The following SSH1 variants were observed in gnomAD, a reference collection of about 807,000 sequenced individuals.
SSH1 encodes slingshot protein phosphatase 1, also known as protein phosphatase Slingshot homolog 1.
SSH1 carries 43 observed loss-of-function variants against 79.7 expected under a neutral mutation model. The observed-to-expected ratio is 0.54, with a 90% confidence interval of 0.42 to 0.70. The LOEUF (loss-of-function observed/expected upper bound fraction) is 0.70, where lower values mean the gene tolerates loss of function less well. SSH1 is among the 30% of genes least tolerant of loss of function. SSH1 has a pLI of 0.00. For synonymous variants in SSH1, 599 were observed against 538.3 expected, an observed-to-expected ratio of 1.11 and a Z score of -1.56; for missense variants, 1,206 against 1,358.8, an observed-to-expected ratio of 0.89 and a Z score of 1.77.
rs1033585042 is a variant in SSH1 at position 108,787,855 on chromosome 12, G to GTA, written c.*131_*132dup. 2 of 1,160,282 alleles carry GTA rather than the reference G, an allele frequency of 1.7e-6. No individual in the cohort carries two copies. Among genetic ancestry groups the GTA allele is most frequent in the African/African-American group, 3.1e-5 (2 of 65,438 alleles). 71.9% of individuals were successfully genotyped at this position (1,160,282 alleles called of 1,614,324 possible). ...TCTTCTCCTCCTCTCTATGGCAAGA[G>GTA]TAGGGGAAAAGTTAGGATGACTTCA... On this transcript the variant is annotated 3_prime_UTR_variant, in exon 15 of 15. Transcript: ENST00000326495.
intron 2 of SSH1, among the ~76,000 whole-genome samples, chr12:108,832,034 T>C (rs556896584): frequency 9.1e-4 from 138 of 152,326 alleles, no homozygotes; most frequent in African/African-American, 3.2e-3. Context: ...TTTCTAGTTA[T>C]AGAGAGTTTG....
chr12:108,827,118 A>G, intron 2 of SSH1: 1 of 686,162 alleles, frequency 1.5e-6, no homozygotes, highest in Non-Finnish European at 2.3e-6. Flanking sequence ...TCATAAGATT[A>G]AAGTTTCTCC....
intron 2 of SSH1, among the ~76,000 whole-genome samples, chr12:108,836,092 TA>T (rs2038623454): frequency 6.9e-6 from 1 of 145,962 alleles, no homozygotes; most frequent in African/African-American, 2.5e-5. Flanking sequence ...AAATAATACC[TA>T]AGTTTATATA....
chr12:108,832,111 A>T (rs1344657082), intron 2 of SSH1, among the ~76,000 whole-genome samples: 1 of 152,200 alleles, frequency 6.6e-6, no homozygotes. Flanking sequence ...AGCCTGGGCA[A>T]CATGGCAAAA....
At chr12:108,847,101 G>A (rs962645486) in intron 2 of SSH1, among the ~76,000 whole-genome samples, 4 of 152,138 alleles carry the variant, frequency 2.6e-5, no homozygotes, top group Admixed American at 6.5e-5. Flanking sequence ...GTCTTGCCAT[G>A]TTGTGTAGGC....
intron 12 of SSH1, among the ~76,000 whole-genome samples, chr12:108,799,741 C>G (rs1289646552): frequency 6.6e-6 from 1 of 151,986 alleles, no homozygotes; most frequent in African/African-American, 2.4e-5. Context: ...GTAAGGGCGG[C>G]CGCAAAAAAA....
chr12:108,831,878 C>A (rs771882259), intron 2 of SSH1, among the ~76,000 whole-genome samples: 1 of 152,214 alleles, frequency 6.6e-6, no homozygotes, highest in Non-Finnish European at 1.5e-5. Context: ...AGTGAACTCA[C>A]AAATTCAAGT....
rs1303933285 is a variant in SSH1, at chr12:108,787,681, T to C, written c.*307A>G. ...ATGCGAAGGGAACAGTCTGGATGTG[T>C]GCGCCTATGTGTGCACGTTCTTCCT... On this transcript the variant is annotated 3_prime_UTR_variant, in exon 15 of 15. Transcript: ENST00000326495. 1.2e-5 allele frequency: 5 copies of C among 430,546 alleles called. No individual in the cohort carries two copies. The highest frequency in any genetic ancestry group is 2.2e-5 in the Non-Finnish European group (5 of 231,114). 26.7% of individuals were successfully genotyped at this position (430,546 alleles called of 1,614,324 possible).
chr12:108,812,832 A>G (rs2037681920), intron 5 of SSH1, among the ~76,000 whole-genome samples: 1 of 151,654 alleles, frequency 6.6e-6, no homozygotes, highest in Non-Finnish European at 1.5e-5. Context: ...TCTACAAGGA[A>G]GGAAGACCCA....
chr12:108,840,078 G>A (rs975450801), intron 2 of SSH1, among the ~76,000 whole-genome samples: 3 of 152,154 alleles, frequency 2.0e-5, no homozygotes, highest in Non-Finnish European at 4.4e-5. Context: ...TCATTTATGC[G>A]GCAGTCTCTT....
intron 2 of SSH1, among the ~76,000 whole-genome samples, chr12:108,848,863 G>A (rs1472922675): frequency 2.6e-5 from 4 of 152,122 alleles, no homozygotes; most frequent in South Asian, 4.1e-4. Flanking sequence ...ACAGTGGCAC[G>A]GAAGGACTCT....
chr12:108,809,847 T>C, intron 6 of SSH1, 89 bp from the exon 7 acceptor site: 2 of 1,093,500 alleles, frequency 1.8e-6, no homozygotes, highest in Admixed American at 1.7e-5. Flanking sequence ...GCCAAACCAC[T>C]GCGCACGCTG....
At chr12:108,818,821 T>C (rs1175423020) in intron 3 of SSH1, among the ~76,000 whole-genome samples, 2 of 152,168 alleles carry the variant, frequency 1.3e-5, no homozygotes, top group Non-Finnish European at 2.9e-5. Context: ...TGGTACGATC[T>C]CAGCTCACTG....
At position 108,783,329 on chromosome 12, in the gene SSH1, C is replaced by A. The variant is rs867419326; in HGVS notation, c.*4659G>T. The A allele has an allele frequency of 9.2e-5, 14 of 152,268 alleles. No individual in the cohort carries two copies. The highest frequency in any genetic ancestry group is 3.4e-4 in the African/African-American group (14 of 41,456). 9.4% of individuals were successfully genotyped at this position (152,268 alleles called of 1,614,324 possible). On this transcript the variant is annotated 3_prime_UTR_variant, in exon 15 of 15. Coordinates refer to ENST00000326495, the MANE Select transcript of SSH1 (RefSeq NM_018984.4). ...CGTATGGAGTAGGACAAGCTCACAA[C>A]CCAATGCTGACCACTACTGACAAGA...
chr12:108,808,822 T>TA (rs1555232786), intron 7 of SSH1, among the ~76,000 whole-genome samples: 3 of 58,718 alleles, frequency 5.1e-5, no homozygotes, highest in African/African-American at 2.3e-4. Context: ...CTTTTACTTC[T>TA]TTTTTTTTTT....
intron 2 of SSH1, among the ~76,000 whole-genome samples, chr12:108,834,780 AT>A (rs2038558386): frequency 1.3e-5 from 2 of 152,130 alleles, no homozygotes; most frequent in Non-Finnish European, 2.9e-5. Context: ...TCACAATGGG[AT>A]GTGAGGGCCA....
Position 108,800,848 on chromosome 12 carries a change from GAC to G in SSH1, c.1078_1079del (p.Val360LeufsTer3). On this transcript the variant is annotated frameshift_variant, in exon 12 of 15. Coordinates refer to ENST00000326495, the MANE Select transcript of SSH1 (RefSeq NM_018984.4). LOFTEE classifies it high-confidence loss of function. ...GGAGGTCTGTGGTCTCTTCATCGTA[GAC>G]TCGGATGTTATGATATGCAAATAAG... is the stretch of plus-strand genomic sequence containing the variant. Reference protein sequence around the residue: ...PGLFAYHNIRVYDEETTDLLA... With the variant: ...PGLFAYHNIRXYDEETTDLLA... The G allele has an allele frequency of 6.2e-7, 1 of 1,614,006 alleles. No individual in the cohort carries two copies. The highest frequency in any genetic ancestry group is 8.5e-7 in the Non-Finnish European group (1 of 1,179,946).
In SSH1 at chr12:108,808,825, T is replaced by G. The variant is rs1322589447; in HGVS notation, c.536+868A>C. 9.4e-3 allele frequency among the ~76,000 whole-genome samples: 1,281 copies of G among 136,628 alleles called. 13 individuals are homozygous for G. The highest frequency in any genetic ancestry group is 0.03 in the Middle Eastern group (8 of 268). 89.6% of individuals were successfully genotyped at this position (136,628 alleles called of 152,430 possible). ...TTTAGTCACCCTCTTTTACTTCTTT[T>G]TTTTTTTTTTTTTTTTTTTTTTGTT... On this transcript the variant is annotated intron_variant, in intron 7 of 14. Coordinates refer to ENST00000326495, the MANE Select transcript of SSH1 (RefSeq NM_018984.4).
intron 12 of SSH1, 25 bp from the exon 13 acceptor site, chr12:108,799,225 A>T (rs974236630): frequency 6.3e-7 from 1 of 1,594,444 alleles, no homozygotes; most frequent in Admixed American, 1.7e-5. Context: ...GCAGTTGGGG[A>T]GGAGAGATGG....
Sources: allele counts gnomAD v4.1 joint callset (sites outside exome capture counted in the v4.1 genomes callset), GRCh38; gene constraint gnomAD v4.1.1; transcripts MANE v1.5; gene names NCBI Gene and HGNC (gene_info 2026-07-23, HGNC 2026-07-21).